Variants in ACYP2 observed in about 807,000 individuals in gnomAD.
ACYP2 encodes the protein acylphosphatase 2.
Under a neutral mutation model 11.2 loss-of-function variants are expected in ACYP2, and 12 were observed. The ratio of observed to expected loss-of-function variants is 1.08; its 90% confidence interval spans 0.69 to 1.74. The LOEUF is 1.74. Ranked by LOEUF, ACYP2 falls within the 40% of genes most tolerant of loss-of-function variation. The pLI is 0.00. For missense variants in ACYP2, 134 were observed against 101.9 expected, an observed-to-expected ratio of 1.31 and a Z score of -1.35; for synonymous variants, 43 against 32.2, an observed-to-expected ratio of 1.33 and a Z score of -1.13.
chr2:53,977,565 T>C (rs1256130311), intron 2 of ACYP2, among the ~76,000 whole-genome samples: 2 of 151,718 alleles, frequency 1.3e-5, no homozygotes, highest in Non-Finnish European at 2.9e-5. Flanking sequence ...AAACCCCATG[T>C]CTACTAAAAA....
intron 2 of ACYP2, among the ~76,000 whole-genome samples, chr2:54,028,715 AC>A (rs1366376110): frequency 1.3e-5 from 2 of 151,976 alleles, no homozygotes; most frequent in African/African-American, 4.8e-5. Context: ...TCCCCTAAAT[AC>A]CATTTACTAC....
chr2:54,061,811 A>T (rs562019882), intron 4 of ACYP2, among the ~76,000 whole-genome samples: 1 of 152,226 alleles, frequency 6.6e-6, no homozygotes, highest in Admixed American at 6.5e-5. Context: ...TGGTGGCTCA[A>T]GGCTGTAGTC....
chr2:54,151,372 C>T lies in ACYP2; in HGVS notation c.404+12624C>T, dbSNP rs1483521704. On this transcript the variant is annotated intron_variant, in intron 6 of 6. Transcript: ENST00000607452. ...AGCAGACCATTAGTGGCATGAATGT[C>T]TGTGCAACCAGAGTGGCTAGCTTTT... 2.0e-5 allele frequency among the ~76,000 whole-genome samples: 3 copies of T among 152,330 alleles called. No homozygotes were observed. In the East Asian group the frequency reaches 5.8e-4, roughly 29 times the overall value.
At chr2:54,096,472 C>T (rs62137973) in intron 4 of ACYP2, among the ~76,000 whole-genome samples, 55,403 of 151,584 alleles carry the variant, frequency 0.37, 11,211 homozygotes, top group East Asian at 0.73. Context: ...TTTGGGAGGC[C>T]AAGGCAGGCG....
chr2:54,124,926 A>T (rs1259304156), intron 4 of ACYP2, among the ~76,000 whole-genome samples: 2 of 151,818 alleles, frequency 1.3e-5, no homozygotes, highest in Non-Finnish European at 2.9e-5. Flanking sequence ...TTTTGTATTC[A>T]TATTTTTTGT....
intron 6 of ACYP2, chr2:54,143,162 C>A (rs1196957715): frequency 6.6e-6 from 1 of 152,132 alleles, no homozygotes; most frequent in East Asian, 1.9e-4. Context: ...CCTGCCATGA[C>A]AATGTTGAAT....
intron 4 of ACYP2, among the ~76,000 whole-genome samples, chr2:54,079,199 G>C (rs570764641): frequency 5.9e-5 from 9 of 152,220 alleles, no homozygotes; most frequent in Admixed American, 3.3e-4. Context: ...GAATATCTAA[G>C]GTGTGCTCAT....
chr2:53,992,134 T>TCTTC (rs1351024470), intron 2 of ACYP2, among the ~76,000 whole-genome samples: 3 of 150,264 alleles, frequency 2.0e-5, no homozygotes, highest in Non-Finnish European at 4.4e-5. Flanking sequence ...CTTCCTTCTT[T>TCTTC]CTTCCTTCCT....
chr2:54,222,766 T>G (rs761845123), intron 6 of ACYP2, among the ~76,000 whole-genome samples: 1 of 152,144 alleles, frequency 6.6e-6, no homozygotes, highest in East Asian at 1.9e-4. Flanking sequence ...CTTACAGTCA[T>G]GTGGTCCCCT....
intron 6 of ACYP2, among the ~76,000 whole-genome samples, chr2:54,140,184 G>A (rs1572845060): frequency 6.6e-6 from 1 of 152,090 alleles, no homozygotes; most frequent in Admixed American, 6.6e-5. Flanking sequence ...GACTTTCGTT[G>A]TACAGAACTG....
intron 2 of ACYP2, among the ~76,000 whole-genome samples, chr2:54,021,397 A>G (rs78655836): frequency 0.02 from 3,107 of 152,308 alleles, 101 homozygotes; most frequent in African/African-American, 0.071. Flanking sequence ...GGAGCTGAAC[A>G]TATTGATACC....
chr2:54,147,017 A>G (rs1156233445), intron 6 of ACYP2, among the ~76,000 whole-genome samples: 1 of 151,862 alleles, frequency 6.6e-6, no homozygotes, highest in Non-Finnish European at 1.5e-5. Flanking sequence ...GCTGGTCTCA[A>G]ACTCCTGACC....
intron 6 of ACYP2, among the ~76,000 whole-genome samples, chr2:54,231,569 G>A (rs902602610): frequency 2.0e-5 from 3 of 152,148 alleles, no homozygotes; most frequent in African/African-American, 4.8e-5. Context: ...CTGCTAGGTT[G>A]TTTCACCTCT....
chr2:54,206,360 G>A lies in ACYP2; in HGVS notation c.404+67612G>A, dbSNP rs149255992. Among the ~76,000 whole-genome samples the A allele has an allele frequency of 4.8e-3, 736 of 152,284 alleles. 10 individuals are homozygous for A. The highest frequency in any genetic ancestry group is 0.017 in the African/African-American group (698 of 41,546). ...CTGTTATTTACCACCATTGCTGGTC[G>A]TGCTTGGAAAACTACTTTGAATTAT... On this transcript the variant is annotated intron_variant, in intron 6 of 6. Coordinates refer to ENST00000607452, the MANE Select transcript of ACYP2 (RefSeq NM_001320586.2).
chr2:54,187,651 C>G (rs1243675342), intron 6 of ACYP2, among the ~76,000 whole-genome samples: 1 of 152,180 alleles, frequency 6.6e-6, no homozygotes, highest in African/African-American at 2.4e-5. Flanking sequence ...GGCAGCACTG[C>G]ATGGTGCCTG....
At chr2:54,265,128 TG>T (rs770226700) in intron 6 of ACYP2, among the ~76,000 whole-genome samples, 6 of 152,160 alleles carry the variant, frequency 3.9e-5, no homozygotes, top group Non-Finnish European at 7.3e-5. Flanking sequence ...AAGATAAGCA[TG>T]TGTATTAGTC....
chr2:54,267,480 C>A, intron 6 of ACYP2: 1 of 873,728 alleles, frequency 1.1e-6, no homozygotes, highest in Non-Finnish European at 1.6e-6. Context: ...TAAAGCCTCC[C>A]TAGATGAATT....
At chr2:54,081,154 G>A (rs1383992923) in intron 4 of ACYP2, among the ~76,000 whole-genome samples, 1 of 152,166 alleles carries the variant, frequency 6.6e-6, no homozygotes, top group Non-Finnish European at 1.5e-5. Flanking sequence ...AGTGTTCGAG[G>A]AGTCTGCCTA....
chr2:54,213,105 A>C (rs1437712698), intron 6 of ACYP2, among the ~76,000 whole-genome samples: 1 of 151,946 alleles, frequency 6.6e-6, no homozygotes, highest in East Asian at 1.9e-4. Flanking sequence ...CTCCACCCTC[A>C]AGTGGTCGCT....
Sources: gnomAD v4.1 joint callset for allele counts (sites outside exome capture counted in the v4.1 genomes callset) on GRCh38, gnomAD v4.1.1 for gene constraint, MANE v1.5 for transcripts, NCBI Gene and HGNC (gene_info 2026-07-23, HGNC 2026-07-21) for gene names.